The following LMO7 variants were observed in gnomAD, a reference collection of about 807,000 sequenced individuals.
LMO7 encodes LIM domain only protein 7.
Under a neutral mutation model 206.5 loss-of-function variants are expected in LMO7, and 120 were observed. The observed-to-expected ratio is 0.58, with a 90% CI of 0.50 to 0.68. The LOEUF (loss-of-function observed/expected upper bound fraction) is 0.68, where lower values mean the gene tolerates loss of function less well. LMO7 is among the 30% of genes least tolerant of loss of function. The pLI, the probability that LMO7 is intolerant of heterozygous loss-of-function variation, is 0.00. For synonymous variants in LMO7, 706 were observed against 681.5 expected, an observed-to-expected ratio of 1.04 and a Z score of -0.56; for missense variants, 1,959 against 1,957.9, an observed-to-expected ratio of 1.00 and a Z score of -0.01.
chr13:75,649,343 G>A (rs1027468750), intron 1 of LMO7, among the ~76,000 whole-genome samples: 2 of 152,252 alleles, frequency 1.3e-5, no homozygotes, highest in African/African-American at 2.4e-5. Context: ...AGAAAGGGGC[G>A]GTGATGGTCA....
intron 4 of LMO7, among the ~76,000 whole-genome samples, chr13:75,769,176 T>C (rs1291969562): frequency 6.6e-6 from 1 of 152,106 alleles, no homozygotes; most frequent in Non-Finnish European, 1.5e-5. Context: ...ATGTTGTTTA[T>C]TGGCTGTTTA....
At chr13:75,692,662 A>G (rs1011154899) in intron 1 of LMO7, among the ~76,000 whole-genome samples, 4 of 152,164 alleles carry the variant, frequency 2.6e-5, no homozygotes, top group African/African-American at 9.7e-5. Flanking sequence ...AGGATCCTGC[A>G]TGCATGCTTG....
At chr13:75,854,908 T>G (rs538114098) in intron 28 of LMO7, 2 of 169,076 alleles carry the variant, frequency 1.2e-5, no homozygotes, top group Admixed American at 6.2e-5. Context: ...ATTGTGTGCT[T>G]TGGTTTAACT....
chr13:75,746,643 G>A (rs942738992), intron 3 of LMO7, among the ~76,000 whole-genome samples: 4 of 152,188 alleles, frequency 2.6e-5, no homozygotes, highest in Non-Finnish European at 4.4e-5. Flanking sequence ...CATTATATGG[G>A]ATGTCCTGTA....
chr13:75,794,633 G>C (rs1052201757), intron 4 of LMO7, among the ~76,000 whole-genome samples: 7 of 152,098 alleles, frequency 4.6e-5, no homozygotes, highest in Admixed American at 2.0e-4. Flanking sequence ...AATTCACACC[G>C]ATCCTGCTTA....
At chr13:75,638,500 C>G (rs548266057) in intron 1 of LMO7, among the ~76,000 whole-genome samples, 25 of 152,096 alleles carry the variant, frequency 1.6e-4, no homozygotes, top group Non-Finnish European at 3.5e-4. Context: ...GTATTTTGTT[C>G]ATCGTTAGCA....
rs192240407 is a variant in LMO7 at position 75,799,172 on chromosome 13, C to T, written c.463-1512C>T. ...AAATCTACTAGACTTTATTGGTGCT[C>T]CAGACACTTGTCAAACAATTGAATC... On this transcript the variant is annotated intron_variant, in intron 6 of 30. Transcript: ENST00000377534. Among the ~76,000 whole-genome samples the T allele has an allele frequency of 2.0e-5, 3 of 152,222 alleles. No homozygotes were observed. In the East Asian group the frequency reaches 5.8e-4, roughly 29 times the overall value.
intron 19 of LMO7, among the ~76,000 whole-genome samples, 174 bp downstream of exon 19, chr13:75,836,631 C>T (rs897581465): frequency 2.0e-5 from 3 of 152,166 alleles, no homozygotes; most frequent in Non-Finnish European, 4.4e-5. Context: ...GCGTTCAGTT[C>T]CAGTGCTGAA....
At chr13:75,848,618 A>AGT (rs2060207811) in intron 26 of LMO7, among the ~76,000 whole-genome samples, 1 of 69,550 alleles carries the variant, frequency 1.4e-5, no homozygotes, top group African/African-American at 4.8e-5. Context: ...GTGGATACCC[A>AGT]GTATATATAT....
intron 19 of LMO7, among the ~76,000 whole-genome samples, 195 bp downstream of exon 19, chr13:75,836,652 A>C (rs1005775862): frequency 3.9e-5 from 6 of 152,194 alleles, no homozygotes; most frequent in African/African-American, 1.4e-4. Context: ...TAGTTCAGGC[A>C]CTGCAAACAA....
intron 3 of LMO7, among the ~76,000 whole-genome samples, chr13:75,744,834 G>C (rs558538219): frequency 3.9e-5 from 6 of 152,296 alleles, no homozygotes; most frequent in African/African-American, 9.6e-5. Flanking sequence ...GCCATGGAGT[G>C]GGGGGTTGCA....
intron 15 of LMO7, among the ~76,000 whole-genome samples, chr13:75,826,133 T>C (rs1434542541): frequency 1.3e-5 from 2 of 152,084 alleles, no homozygotes; most frequent in African/African-American, 4.8e-5. Flanking sequence ...CTCAACCTCC[T>C]GGACTGAAGC....
At chr13:75,848,431 T>TTATCTATC (rs139984746) in intron 26 of LMO7, among the ~76,000 whole-genome samples, 25,404 of 150,412 alleles carry the variant, frequency 0.17, 2,186 homozygotes, top group East Asian at 0.22. Flanking sequence ...TTCCATGCGA[T>TTATCTATC]TATCTATCTA....
upstream of LMO7, chr13:75,635,685 G>T (rs1005572465): frequency 1.3e-5 from 2 of 152,066 alleles, no homozygotes; most frequent in African/African-American, 2.4e-5. Flanking sequence ...TCCTTCCACC[G>T]CACCCACCTG....
chr13:75,729,503 C>T (rs1403110941), intron 3 of LMO7, among the ~76,000 whole-genome samples: 1 of 150,514 alleles, frequency 6.6e-6, no homozygotes, highest in South Asian at 2.1e-4. Flanking sequence ...GCTGAAGTTG[C>T]TTATCAGCTT....
intron 4 of LMO7, among the ~76,000 whole-genome samples, chr13:75,787,019 T>C (rs575604901): frequency 6.6e-6 from 1 of 152,212 alleles, no homozygotes; most frequent in South Asian, 2.1e-4. Flanking sequence ...TTATACTTAA[T>C]TATGTAATAT....
upstream of LMO7, among the ~76,000 whole-genome samples, chr13:75,634,507 G>A (rs1054970199): frequency 7.9e-5 from 12 of 152,052 alleles, no homozygotes; most frequent in African/African-American, 1.4e-4. Flanking sequence ...TTGGGAGGAC[G>A]AGGCAGGCGG....
chr13:75,818,982 G>T (rs556558396), intron 12 of LMO7, among the ~76,000 whole-genome samples: 1 of 152,182 alleles, frequency 6.6e-6, no homozygotes, highest in East Asian at 1.9e-4. Context: ...ATGCATCTGC[G>T]CGTAACCATC....
chr13:75,685,224 T>C (rs1213108105), intron 1 of LMO7, among the ~76,000 whole-genome samples: 3 of 152,234 alleles, frequency 2.0e-5, no homozygotes, highest in Non-Finnish European at 4.4e-5. Context: ...GCATAGCAGA[T>C]ACTCAGTAAA....
Sources: allele counts gnomAD v4.1 joint callset (sites outside exome capture counted in the v4.1 genomes callset), GRCh38; gene constraint gnomAD v4.1.1; transcripts MANE v1.5; gene names NCBI Gene and HGNC (gene_info 2026-07-23, HGNC 2026-07-21).